Variants in TDRD9 observed in about 807,000 individuals in gnomAD.
TDRD9 encodes tudor domain containing 9, also known as ATP-dependent RNA helicase TDRD9.
TDRD9 carries 124 observed loss-of-function variants against 172.6 expected under a neutral mutation model. The ratio of observed to expected loss-of-function variants is 0.72; its 90% CI spans 0.62 to 0.83. The LOEUF is 0.83. Ranked by LOEUF, TDRD9 falls within the 40% of genes least tolerant of loss-of-function variation. The pLI is 0.00. For synonymous variants in TDRD9, 619 were observed against 617.1 expected, an observed-to-expected ratio of 1.00 and a Z score of -0.05; for missense variants, 1,479 against 1,714.1, an observed-to-expected ratio of 0.86 and a Z score of 2.42.
chr14:103,963,254 A>C (rs749254278), intron 3 of TDRD9, 78 bp downstream of exon 3: 3 of 1,083,040 alleles, frequency 2.8e-6, no homozygotes, highest in Non-Finnish European at 4.0e-6. Flanking sequence ...TTCTAATTTG[A>C]AAGTTACCAG....
At chr14:104,043,952 G>A (rs901012673) in intron 34 of TDRD9, among the ~76,000 whole-genome samples, 5 of 152,208 alleles carry the variant, frequency 3.3e-5, no homozygotes, top group African/African-American at 1.2e-4. Flanking sequence ...CTCACAGCCT[G>A]TGGGGGGCTC....
chr14:104,026,909 C>G lies in TDRD9; in HGVS notation c.3252C>G (p.Ala1084=). ...ACGTCCTCATCCAGCAGGGCTATGC[C>G]GAGCTCACGGAGGAGTCCTACGAGT... ...IRDVLIQQGY[A]ELTEESYESK... is the part of the protein sequence containing the mutation. Residue 1084 remains alanine, a synonymous_variant, in exon 28 of 36, where the codon GCC becomes GCG. Transcript: ENST00000409874. 1.2e-6 allele frequency: 2 copies of G among 1,613,892 alleles called. No homozygotes were observed. Among genetic ancestry groups the G allele is most frequent in the East Asian group, 2.2e-5 (1 of 44,880 alleles).
At chr14:103,944,842 G>A (rs2031473298) in intron 1 of TDRD9, among the ~76,000 whole-genome samples, 1 of 152,144 alleles carries the variant, frequency 6.6e-6, no homozygotes, top group Non-Finnish European at 1.5e-5. Flanking sequence ...TGGGATTACA[G>A]GCGTGAGCCA....
intron 7 of TDRD9, among the ~76,000 whole-genome samples, chr14:103,981,445 G>A (rs1000848768): frequency 4.6e-5 from 7 of 152,124 alleles, no homozygotes; most frequent in Non-Finnish European, 8.8e-5. Context: ...CCTCATGGGT[G>A]GGTTATGTTC....
chr14:103,993,480 A>G (rs2033948254), intron 9 of TDRD9, among the ~76,000 whole-genome samples: 1 of 152,234 alleles, frequency 6.6e-6, no homozygotes, highest in Non-Finnish European at 1.5e-5. Context: ...AAGTGCCACA[A>G]GCTAAATGCC....
rs1255734629 is a variant in TDRD9 at position 103,998,611 on chromosome 14, T to C, written c.1379-13T>C. On this transcript the variant is annotated splice_polypyrimidine_tract_variant and intron_variant, in intron 12 of 35. Coordinates refer to ENST00000409874, the MANE Select transcript of TDRD9 (RefSeq NM_153046.3). ...TTAGCATGGTGTTTACAGTCCTTTT[T>C]TTTAAATGGCAGTTATAGATTTTTG... 2.8e-6 allele frequency: 4 copies of C among 1,448,724 alleles called. No homozygotes were observed. The South Asian group carries it at 4.6e-5, about 17-fold the overall frequency. The allele number at this position is 1,448,724 out of a possible 1,614,324, so 89.7% of individuals were successfully genotyped here.
At chr14:103,993,137 A>AT (rs11284867) in intron 9 of TDRD9, among the ~76,000 whole-genome samples, 30 of 145,354 alleles carry the variant, frequency 2.1e-4, no homozygotes, top group South Asian at 9.0e-4. Flanking sequence ...GCCTGGCCAA[A>AT]TTTTTTTTTT....
intron 1 of TDRD9, among the ~76,000 whole-genome samples, chr14:103,949,873 C>T (rs890175011): frequency 1.3e-5 from 2 of 151,632 alleles, no homozygotes; most frequent in African/African-American, 4.8e-5. Flanking sequence ...TTAGTAGAGA[C>T]GGGGTTTCAA....
At chr14:104,036,308 T>C (rs1430575596) in intron 32 of TDRD9, among the ~76,000 whole-genome samples, 2 of 152,234 alleles carry the variant, frequency 1.3e-5, no homozygotes, top group African/African-American at 4.8e-5. Context: ...TGAGCGGCTC[T>C]TGTCTGAAAG....
intron 25 of TDRD9, 31 bp from the exon 26 acceptor site, chr14:104,025,512 CTTACAAAAGTCCTTTCTAGAT>C: frequency 6.7e-7 from 1 of 1,485,666 alleles, no homozygotes; most frequent in Non-Finnish European, 9.3e-7. Context: ...CATTTTCCTC[CTTACAAAAGTCCTTTCTAGAT>C]TTCATCTCTT....
chr14:104,020,985 GT>G (rs2034937802), intron 23 of TDRD9, among the ~76,000 whole-genome samples: 1 of 152,080 alleles, frequency 6.6e-6, no homozygotes, highest in South Asian at 2.1e-4. Context: ...ATATTACTTG[GT>G]GTTTTATTCT....
At position 103,955,762 on chromosome 14, in the gene TDRD9, G is replaced by GT; in HGVS notation, c.315dup (p.Gly106TrpfsTer10). On this transcript the variant is annotated frameshift_variant, in exon 2 of 36. Transcript: ENST00000409874. LOFTEE classifies it high-confidence loss of function. The stretch of plus-strand genomic sequence containing the variant: ...GTGTGTCGCAGTGTCCAACCAACCA[G>GT]TGGGCCAGGTAAACAGGTCTCTTTA... 6.4e-7 allele frequency: 1 copy of GT among 1,550,848 alleles called. No homozygotes were observed. The highest frequency in any genetic ancestry group is 8.7e-7 in the Non-Finnish European group (1 of 1,146,632).
intron 14 of TDRD9, 171 bp from the exon 15 acceptor site, chr14:104,005,103 C>T (rs2034392728): frequency 1.9e-6 from 1 of 529,094 alleles, no homozygotes; most frequent in South Asian, 3.3e-5. Flanking sequence ...CTCTCCTGTT[C>T]TTTCTTCTTC....
chr14:104,026,253 G>C (rs575833582), intron 27 of TDRD9, 117 bp downstream of exon 27: 2 of 681,838 alleles, frequency 2.9e-6, no homozygotes, highest in Non-Finnish European at 5.1e-6. Flanking sequence ...CAAGGCCCAG[G>C]ACAGGGAGGG....
At chr14:103,947,055 A>G (rs569462677) in intron 1 of TDRD9, among the ~76,000 whole-genome samples, 10 of 152,314 alleles carry the variant, frequency 6.6e-5, no homozygotes, top group Middle Eastern at 3.4e-3. Flanking sequence ...TTCATATGGA[A>G]TGTCAAGGAA....
chr14:103,996,906 C>T (rs1366964926), intron 12 of TDRD9, among the ~76,000 whole-genome samples: 2 of 151,968 alleles, frequency 1.3e-5, no homozygotes, highest in South Asian at 2.1e-4. Flanking sequence ...GGGAGGGAGT[C>T]GGGTCCATAC....
chr14:104,044,118 C>T lies in TDRD9; in HGVS notation c.3974+1931C>T, dbSNP rs77836070. Among the ~76,000 whole-genome samples the T allele has an allele frequency of 9.1e-4, 139 of 152,266 alleles. 1 individual carries two copies. The East Asian group carries it at 0.019, about 20-fold the overall frequency. On this transcript the variant is annotated intron_variant, in intron 34 of 35. Coordinates refer to ENST00000409874, the MANE Select transcript of TDRD9 (RefSeq NM_153046.3). ...GGGCCTGCAGGCCTGCCTTGTCTTC[C>T]GGGAGGTACCCGCTGGCCACAGGGA...
chr14:103,977,492 C>CAAAAAA (rs57634354), intron 7 of TDRD9, among the ~76,000 whole-genome samples: 15 of 53,190 alleles, frequency 2.8e-4, no homozygotes, highest in African/African-American at 9.1e-4. Context: ...GACTCCATCT[C>CAAAAAA]AAAAAAAAAA....
In TDRD9 at chr14:103,966,784, G is replaced by A; in HGVS notation, c.718G>A (p.Val240Ile). ...MTTGVLLQKI[V>I]SAKSLMEFTH... is the part of the protein sequence containing the mutation. ...AACTGGAGTCCTGCTTCAGAAAATA[G>A]TTAGTGCCAAGAGTTTGATGGAATT... The change falls in exon 5 of 36, where the codon GTT (valine) becomes ATT (isoleucine). Residue 240 changes from valine to isoleucine, a missense_variant. By Grantham distance (29) the Val-to-Ile change is conservative (BLOSUM62 3). This residue lies in a region of TDRD9 where 1,413 missense variants were observed against 1,649.1 expected (regional missense o/e 0.86). Coordinates refer to ENST00000409874, the MANE Select transcript of TDRD9 (RefSeq NM_153046.3). The A allele has an allele frequency of 6.4e-7, 1 of 1,550,758 alleles. No homozygotes were observed. Among genetic ancestry groups the A allele is most frequent in the Non-Finnish European group, 8.7e-7 (1 of 1,146,488 alleles).
Sources: gnomAD v4.1 joint callset for allele counts (sites outside exome capture counted in the v4.1 genomes callset) on GRCh38, gnomAD v4.1.1 for gene constraint, gnomAD v4.1.1 regional missense constraint, MANE v1.5 for transcripts, NCBI Gene and HGNC (gene_info 2026-07-23, HGNC 2026-07-21) for gene names.